ROBO1: variants seen among roughly 807,000 people sequenced by gnomAD.
ROBO1 encodes the protein roundabout homolog 1.
ROBO1 carries 149 observed loss-of-function variants against 195.9 expected under a neutral mutation model. The ratio of observed to expected loss-of-function variants is 0.76; its 90% CI spans 0.67 to 0.87. The LOEUF (loss-of-function observed/expected upper bound fraction) is 0.87. ROBO1 is among the 40% of genes least tolerant of loss of function. The probability of loss-of-function intolerance (pLI) is 0.00; values close to 1 mark genes in which losing one functional copy is unlikely to be tolerated. For missense variants in ROBO1, 1,933 were observed against 2,068.3 expected (o/e 0.93, Z 1.27); for synonymous variants, 816 against 733.2 (o/e 1.11, Z -1.82).
intron 20 of ROBO1, among the ~76,000 whole-genome samples, chr3:78,646,746 G>A (rs1291154477): frequency 4.0e-5 from 6 of 151,658 alleles, no homozygotes; most frequent in South Asian, 2.1e-4. Flanking sequence ...ATTTTTTATT[G>A]TGGCTTCTGC....
chr3:79,280,921 T>A (rs1036777904), intron 2 of ROBO1, among the ~76,000 whole-genome samples: 1 of 152,174 alleles, frequency 6.6e-6, no homozygotes, highest in Non-Finnish European at 1.5e-5. Context: ...CACTGCCAGC[T>A]ATGCGACCTG....
At chr3:78,840,628 C>T (rs2033115604) in intron 4 of ROBO1, among the ~76,000 whole-genome samples, 1 of 152,160 alleles carries the variant, frequency 6.6e-6, no homozygotes. Context: ...TATCAAACCT[C>T]AATCCTTTCA....
chr3:79,247,750 C>T (rs974689685), intron 2 of ROBO1, among the ~76,000 whole-genome samples: 1 of 152,084 alleles, frequency 6.6e-6, no homozygotes, highest in Admixed American at 6.6e-5. Flanking sequence ...GTAAGACATA[C>T]TCCTCAAGTA....
Position 78,633,969 on chromosome 3 carries a change from G to C in ROBO1, c.3447C>G (p.Ser1149=). 1 of 1,612,678 alleles carries C rather than the reference G, an allele frequency of 6.2e-7. No homozygotes were observed. The highest frequency in any genetic ancestry group is 8.5e-7 in the Non-Finnish European group (1 of 1,179,056). The change falls in exon 24 of 31, where the codon TCC becomes TCG. Residue 1149 remains serine (S), a synonymous_variant. Transcript: ENST00000464233. ...TACTGCCCCGGTCTGAGCTGTTGTA[G>C]GATCCTCCTGTGTTCTGGTCGTATG... ...NQSYDQNTGG[S]YNSSDRGSST...
chr3:78,984,458 G>A (rs1469999048), intron 3 of ROBO1, among the ~76,000 whole-genome samples: 4 of 152,198 alleles, frequency 2.6e-5, no homozygotes, highest in Admixed American at 6.5e-5. Flanking sequence ...ACAGAAGGAT[G>A]TGAGAAGTAT....
intron 4 of ROBO1, among the ~76,000 whole-genome samples, chr3:78,854,369 AATAC>A (rs1456231727): frequency 1.8e-4 from 27 of 148,822 alleles, no homozygotes; most frequent in Non-Finnish European, 1.5e-4. Context: ...TAAAAATATA[AATAC>A]ATACATATAA....
In ROBO1 at chr3:78,945,358, C is replaced by G. The variant is rs1263532666; in HGVS notation, c.173-6431G>C. On this transcript the variant is annotated intron_variant, in intron 3 of 30. Transcript: ENST00000464233. Reference sequence around the variant, plus strand: ...CAATCAGACAGCAGCATTTGCAGTTCACCAATATATGCTGTTCTGCAGACA... The same window carrying G: ...CAATCAGACAGCAGCATTTGCAGTTGACCAATATATGCTGTTCTGCAGACA... Among the ~76,000 whole-genome samples the G allele has an allele frequency of 2.6e-5, 4 of 152,270 alleles. 1 individual carries two copies. The highest frequency in any genetic ancestry group is 2.6e-4 in the Admixed American group (4 of 15,298).
intron 2 of ROBO1, among the ~76,000 whole-genome samples, chr3:79,474,351 C>T (rs561414458): frequency 2.0e-5 from 3 of 152,156 alleles, no homozygotes; most frequent in African/African-American, 7.2e-5. Flanking sequence ...AGCATGATGG[C>T]TTTTTAGGCT....
At chr3:79,392,683 C>T (rs1559866940) in intron 2 of ROBO1, among the ~76,000 whole-genome samples, 1 of 152,146 alleles carries the variant, frequency 6.6e-6, no homozygotes, top group Non-Finnish European at 1.5e-5. Context: ...ATTACATCAC[C>T]CAACTAATAT....
intron 3 of ROBO1, among the ~76,000 whole-genome samples, chr3:79,044,351 AG>A (rs1306629699): frequency 1.3e-5 from 2 of 152,118 alleles, no homozygotes; most frequent in Non-Finnish European, 2.9e-5. Flanking sequence ...GTTAAAATAA[AG>A]GTCCTATCTA....
chr3:79,045,487 T>C (rs1461301217), intron 3 of ROBO1, among the ~76,000 whole-genome samples: 1 of 152,022 alleles, frequency 6.6e-6, no homozygotes, highest in Non-Finnish European at 1.5e-5. Flanking sequence ...TATGGAGATA[T>C]ATGGAGAGAC....
At chr3:78,750,486 TAAA>T (rs1559814873) in intron 4 of ROBO1, among the ~76,000 whole-genome samples, 14 of 147,902 alleles carry the variant, frequency 9.5e-5, no homozygotes, top group African/African-American at 3.3e-4. Context: ...AATAAATAAA[TAAA>T]TAAATAAATA....
chr3:78,849,382 T>C (rs1403325586), intron 4 of ROBO1, among the ~76,000 whole-genome samples: 1 of 152,252 alleles, frequency 6.6e-6, no homozygotes, highest in Non-Finnish European at 1.5e-5. Flanking sequence ...TTTCATTATA[T>C]CATGTTATAA....
At chr3:78,750,583 AAC>A (rs1382262467) in intron 4 of ROBO1, among the ~76,000 whole-genome samples, 1 of 152,110 alleles carries the variant, frequency 6.6e-6, no homozygotes, top group Non-Finnish European at 1.5e-5. Context: ...CATCAATTTT[AAC>A]ACAATTCTCA....
At chr3:79,076,576 T>G (rs2079177671) in intron 3 of ROBO1, among the ~76,000 whole-genome samples, 1 of 151,704 alleles carries the variant, frequency 6.6e-6, no homozygotes, top group Non-Finnish European at 1.5e-5. Flanking sequence ...TTTTCATGAT[T>G]TTTCAGGGGA....
At chr3:78,653,545 G>A (rs1178757791) in intron 18 of ROBO1, among the ~76,000 whole-genome samples, 2 of 152,228 alleles carry the variant, frequency 1.3e-5, no homozygotes, top group African/African-American at 2.4e-5. Flanking sequence ...TGCTGGTTGA[G>A]CAAATTGCCC....
intron 1 of ROBO1, among the ~76,000 whole-genome samples, chr3:79,611,637 A>T (rs1944660903): frequency 6.6e-6 from 1 of 152,142 alleles, no homozygotes; most frequent in Non-Finnish European, 1.5e-5. Flanking sequence ...TAACACAGGA[A>T]CAGAAAACCA....
intron 5 of ROBO1, among the ~76,000 whole-genome samples, chr3:78,738,131 T>C (rs1426342008): frequency 1.3e-5 from 2 of 151,998 alleles, no homozygotes; most frequent in Non-Finnish European, 2.9e-5. Flanking sequence ...GAAGGAGACA[T>C]GTGGGAATTG....
intron 3 of ROBO1, among the ~76,000 whole-genome samples, chr3:78,979,479 TTC>T (rs2076947993): frequency 6.6e-6 from 1 of 152,162 alleles, no homozygotes; most frequent in African/African-American, 2.4e-5. Flanking sequence ...GTTAAAAGAT[TTC>T]TGTCTCCTCA....
Sources: gnomAD v4.1 joint callset for allele counts (sites outside exome capture counted in the v4.1 genomes callset) on GRCh38, gnomAD v4.1.1 for gene constraint, MANE v1.5 for transcripts, NCBI Gene and HGNC (gene_info 2026-07-23, HGNC 2026-07-21) for gene names.